HHIP: variants seen among roughly 807,000 people sequenced by gnomAD.
HHIP encodes the protein hedgehog-interacting protein.
A neutral mutation model predicts 74.0 loss-of-function variants in HHIP; 12 were observed. That is an observed-to-expected ratio of 0.16 (90% CI 0.10 to 0.26). The LOEUF is 0.26. Ranked by LOEUF, HHIP falls within the 10% of genes least tolerant of loss-of-function variation. HHIP has a pLI of 1.00. For missense variants in HHIP, 788 were observed against 845.0 expected (o/e 0.93, Z 0.84); for synonymous variants, 309 against 311.6 (o/e 0.99, Z 0.09).
intron 8 of HHIP, among the ~76,000 whole-genome samples, 188 bp downstream of exon 8, chr4:144,712,259 T>C (rs1359775012): frequency 6.6e-6 from 1 of 152,114 alleles, no homozygotes; most frequent in Non-Finnish European, 1.5e-5. Context: ...GCCCTGAGGG[T>C]TCCATCTGGT....
In HHIP at chr4:144,740,469, T is replaced by G. The variant is rs1731235417; in HGVS notation, c.*2512T>G. On this transcript the variant is annotated 3_prime_UTR_variant, in exon 13 of 13. Coordinates refer to ENST00000296575, the MANE Select transcript of HHIP (RefSeq NM_022475.3). ...GAGAAGATAGCAAGATCCACGGATA[T>G]TAAGCCAAGCAAAGAAAGTAAAATC... is the stretch of plus-strand genomic sequence containing the variant. The G allele has an allele frequency of 6.6e-6, 1 of 152,186 alleles. No homozygotes were observed. The allele number at this position is 152,186 out of a possible 1,614,324, so 9.4% of individuals were successfully genotyped here.
chr4:144,659,416 CTTAT>C (rs1728641008), intron 3 of HHIP, among the ~76,000 whole-genome samples: 1 of 152,106 alleles, frequency 6.6e-6, no homozygotes, highest in Non-Finnish European at 1.5e-5. Context: ...TTTTGATTCT[CTTAT>C]TTTACTTTCT....
chr4:144,705,132 T>C (rs1034296051), intron 4 of HHIP, among the ~76,000 whole-genome samples: 33 of 152,208 alleles, frequency 2.2e-4, no homozygotes, highest in Non-Finnish European at 4.6e-4. Flanking sequence ...TTCTGAAAGT[T>C]TGGATATTCT....
At chr4:144,647,929 G>T (rs550148277) in intron 1 of HHIP, among the ~76,000 whole-genome samples, 1 of 151,852 alleles carries the variant, frequency 6.6e-6, no homozygotes, top group African/African-American at 2.4e-5. Context: ...ACTGCCAGTT[G>T]TCAAGGTCTG....
chr4:144,657,631 TG>T (rs1728590848), intron 2 of HHIP, among the ~76,000 whole-genome samples: 1 of 152,146 alleles, frequency 6.6e-6, no homozygotes, highest in Non-Finnish European at 1.5e-5. Context: ...AAAACTTTTT[TG>T]CCATAAAGTT....
intron 5 of HHIP, 23 bp from the exon 6 acceptor site, chr4:144,707,064 A>T (rs1363708028): frequency 6.2e-7 from 1 of 1,604,712 alleles, no homozygotes; most frequent in South Asian, 1.1e-5. Context: ...CAGTCATGGT[A>T]TTGTTTTCTT....
intron 10 of HHIP, among the ~76,000 whole-genome samples, chr4:144,718,558 C>G (rs1359355566): frequency 1.3e-5 from 2 of 152,144 alleles, no homozygotes; most frequent in African/African-American, 4.8e-5. Context: ...ATCACTGTGG[C>G]TGGTACGTTG....
chr4:144,657,043 T>C (rs994267065), intron 2 of HHIP, among the ~76,000 whole-genome samples: 1 of 152,064 alleles, frequency 6.6e-6, no homozygotes, highest in Admixed American at 6.6e-5. Flanking sequence ...CCCAAGGACA[T>C]CTGCTCTTAC....
At position 144,743,721 on chromosome 4, in the gene HHIP, G is replaced by A. The variant is rs893494102; in HGVS notation, c.*5764G>A. 1 of 151,922 alleles carries A rather than the reference G, an allele frequency of 6.6e-6. No individual in the cohort carries two copies. Among genetic ancestry groups the A allele is most frequent in the Non-Finnish European group, 1.5e-5 (1 of 67,940 alleles). The allele number at this position is 151,922 out of a possible 1,614,324, so 9.4% of individuals were successfully genotyped here. ...TCTAAGTCAAAAAGAAAACATTTAA[G>A]TACATAATATAAAAAGAACTGAACA... is the stretch of plus-strand genomic sequence containing the variant. On this transcript the variant is annotated 3_prime_UTR_variant, in exon 13 of 13. Coordinates refer to ENST00000296575, the MANE Select transcript of HHIP (RefSeq NM_022475.3).
chr4:144,714,646 A>G (rs1258342494), intron 9 of HHIP, among the ~76,000 whole-genome samples: 7 of 152,142 alleles, frequency 4.6e-5, no homozygotes, highest in African/African-American at 1.7e-4. Context: ...ACATAAATTT[A>G]CCATGACAAT....
At chr4:144,696,301 T>TA (rs751638625) in intron 4 of HHIP, among the ~76,000 whole-genome samples, 21 of 151,914 alleles carry the variant, frequency 1.4e-4, no homozygotes, top group Non-Finnish European at 2.2e-4. Context: ...ACAGGCCATT[T>TA]ACTGGCACAA....
intron 7 of HHIP, among the ~76,000 whole-genome samples, chr4:144,709,362 C>T (rs542662625): frequency 6.6e-6 from 1 of 152,244 alleles, no homozygotes; most frequent in Non-Finnish European, 1.5e-5. Context: ...ACAGATACCA[C>T]CACAAAGCAA....
chr4:144,720,553 C>T (rs979474356), intron 11 of HHIP, among the ~76,000 whole-genome samples: 1 of 152,026 alleles, frequency 6.6e-6, no homozygotes, highest in African/African-American at 2.4e-5. Flanking sequence ...ACCAAGGTTG[C>T]CATAAGGGAC....
intron 11 of HHIP, among the ~76,000 whole-genome samples, chr4:144,720,624 G>T (rs550335630): frequency 6.6e-6 from 1 of 152,112 alleles, no homozygotes; most frequent in Non-Finnish European, 1.5e-5. Flanking sequence ...ATACCTGAAG[G>T]CCTGACTTCT....
chr4:144,646,347 CCTCTTCCAA>C lies in HHIP; in HGVS notation c.-325_-317del. On this transcript the variant is annotated 5_prime_UTR_variant, in exon 1 of 13. Coordinates refer to ENST00000296575, the MANE Select transcript of HHIP (RefSeq NM_022475.3). ...GTGGCTGTCCTCTCCTTTTCTTCCT[CCTCTTCCAA>C]CTCCTTCTCCTCCTCCCACTTCCCA... The C allele has an allele frequency of 3.8e-6, 1 of 265,024 alleles. No homozygotes were observed. The highest frequency in any genetic ancestry group is 9.0e-5 in the South Asian group (1 of 11,170). The allele number at this position is 265,024 out of a possible 1,614,324, so 16.4% of individuals were successfully genotyped here.
intron 1 of HHIP, chr4:144,648,191 G>GGGTC (rs1295944945): frequency 1.3e-5 from 2 of 152,096 alleles, no homozygotes; most frequent in East Asian, 3.9e-4. Flanking sequence ...GGACAAAAAG[G>GGGTC]GGTCGACTTA....
chr4:144,660,613 T>C (rs1728688573), intron 4 of HHIP, among the ~76,000 whole-genome samples: 1 of 152,010 alleles, frequency 6.6e-6, no homozygotes. Flanking sequence ...GGAGGATTTA[T>C]AGTCTTCTAC....
At chr4:144,682,751 C>A (rs530971211) in intron 4 of HHIP, among the ~76,000 whole-genome samples, 53 of 152,304 alleles carry the variant, frequency 3.5e-4, no homozygotes, top group African/African-American at 1.2e-3. Context: ...ACTCTAAGAA[C>A]AAGTTAAAAC....
Position 144,738,188 on chromosome 4 carries a change from A to G in HHIP, c.*231A>G. On this transcript the variant is annotated 3_prime_UTR_variant, in exon 13 of 13. Transcript: ENST00000296575. ...TATATGCGTTGTTGCATAACAGATG[A>G]TTTTTTAAAATATATACTTCCTTAT... 2 of 1,114,390 alleles carry G rather than the reference A, an allele frequency of 1.8e-6. No homozygotes were observed. Among genetic ancestry groups the G allele is most frequent in the Non-Finnish European group, 2.2e-6 (2 of 913,230 alleles). 69.0% of individuals were successfully genotyped at this position (1,114,390 alleles called of 1,614,324 possible).
Sources: allele counts gnomAD v4.1 joint callset (sites outside exome capture counted in the v4.1 genomes callset), GRCh38; gene constraint gnomAD v4.1.1; transcripts MANE v1.5; gene names NCBI Gene and HGNC (gene_info 2026-07-23, HGNC 2026-07-21).